Variants in RBP4 observed in about 807,000 individuals in gnomAD.
RBP4 encodes the protein retinol-binding protein 4.
In RBP4, 9 loss-of-function variants were observed where a neutral mutation model predicts 26.2. The ratio of observed to expected loss-of-function variants is 0.34; its 90% confidence interval spans 0.21 to 0.60. The LOEUF (loss-of-function observed/expected upper bound fraction) is 0.60, where lower values mean the gene tolerates loss of function less well. RBP4 is among the 20% of genes least tolerant of loss of function. The pLI is 0.80. For synonymous variants in RBP4, 114 were observed against 111.0 expected, an observed-to-expected ratio of 1.03 and a Z score of -0.17; for missense variants, 244 against 271.3, an observed-to-expected ratio of 0.90 and a Z score of 0.71.
At chr10:93,601,080 G>T in intron 1 of RBP4, 34 bp from the exon 2 acceptor site, 1 of 1,586,628 alleles carries the variant, frequency 6.3e-7, no homozygotes. Context: ...GTGCCCGGCA[G>T]CCGACCCCCG....
Position 93,601,185 on chromosome 10 carries a change from CCG to C in RBP4, c.-35_-34del, listed in dbSNP as rs1206838431. On this transcript the variant is annotated 5_prime_UTR_variant, in exon 1 of 6. Transcript: ENST00000371464. The stretch of plus-strand genomic sequence containing the variant: ...CCGCGACTCACCACCGGGAGGGGAA[CCG>C]CGCGCAAGCCTGGCCGCCGAGTCCG... 2 of 1,389,432 alleles carry C rather than the reference CCG, an allele frequency of 1.4e-6. No homozygotes were observed. Among genetic ancestry groups the C allele is most frequent in the Admixed American group, 6.8e-5 (2 of 29,356 alleles). The allele number at this position is 1,389,432 out of a possible 1,614,324, so 86.1% of individuals were successfully genotyped here.
chr10:93,599,667 A>G (rs2058323579), intron 4 of RBP4, among the ~76,000 whole-genome samples: 1 of 152,158 alleles, frequency 6.6e-6, no homozygotes, highest in Non-Finnish European at 1.5e-5. Flanking sequence ...AGATTCCATG[A>G]TATGTGTCCC....
Position 93,593,885 on chromosome 10 carries a change from A to C in RBP4, c.506T>G (p.Ile169Ser). ...PNGLPPEAQK[I>S]VRQRQEELCL... ...CAGCTCCTCCTGCCGCTGCCTTACAATCTTCTGCGCTTCTGGGGGCAGGCC... is the reference window on the plus strand; with the variant it reads ...CAGCTCCTCCTGCCGCTGCCTTACACTCTTCTGCGCTTCTGGGGGCAGGCC... The change falls in exon 5 of 6, where the codon ATT becomes AGT. Residue 169 changes from isoleucine (I) to serine (S), a missense_variant. By Grantham distance (142) the Ile-to-Ser change is moderately radical (BLOSUM62 -2). Coordinates refer to ENST00000371464, the MANE Select transcript of RBP4 (RefSeq NM_006744.4). 6.2e-7 allele frequency: 1 copy of C among 1,613,608 alleles called. No individual in the cohort carries two copies. The highest frequency in any genetic ancestry group is 8.5e-7 in the Non-Finnish European group (1 of 1,180,010).
At chr10:93,600,345 C>A (rs566762577) in intron 4 of RBP4, 48 bp downstream of exon 4, 7 of 1,530,636 alleles carry the variant, frequency 4.6e-6, no homozygotes, top group Non-Finnish European at 5.4e-6. Context: ...CGATTTGGCC[C>A]GGTAGGCGCC....
intron 4 of RBP4, among the ~76,000 whole-genome samples, chr10:93,598,696 T>C (rs28383574): frequency 0.073 from 11,092 of 152,312 alleles, 558 homozygotes; most frequent in South Asian, 0.21. Context: ...TCCCTTCTCA[T>C]TGGGTCCTCT....
intron 4 of RBP4, among the ~76,000 whole-genome samples, chr10:93,597,810 G>C (rs1180680822): frequency 1.3e-5 from 2 of 152,156 alleles, no homozygotes; most frequent in Non-Finnish European, 2.9e-5. Context: ...TGGAGCAGGG[G>C]AGAGGCTGAG....
chr10:93,600,196 T>C (rs1187339771), intron 4 of RBP4, among the ~76,000 whole-genome samples, 197 bp downstream of exon 4: 1 of 152,192 alleles, frequency 6.6e-6, no homozygotes, highest in Admixed American at 6.5e-5. Context: ...TTTCTTGAGC[T>C]GAGGTTTGGG....
upstream of RBP4, chr10:93,601,416 C>T (rs1022054872): frequency 3.1e-6 from 4 of 1,302,296 alleles, no homozygotes; most frequent in Non-Finnish European, 3.9e-6. Context: ...CCAGGACAGC[C>T]TCGGGCACAG....
In RBP4 at chr10:93,593,874, G is replaced by A. The variant is rs139534453; in HGVS notation, c.517C>T (p.Arg173Trp). 63 of 1,612,882 alleles carry A rather than the reference G, an allele frequency of 3.9e-5. No homozygotes were observed. Among genetic ancestry groups the A allele is most frequent in the Admixed American group, 2.3e-4 (14 of 59,996 alleles). Residue 173 changes from arginine to tryptophan, a missense_variant, in exon 5 of 6, where the codon CGG (arginine) becomes TGG (tryptophan). Coordinates refer to ENST00000371464, the MANE Select transcript of RBP4 (RefSeq NM_006744.4). ...CTGGCCAGGCACAGCTCCTCCTGCCGCTGCCTTACAATCTTCTGCGCTTCT... is the reference window on the plus strand; with the variant it reads ...CTGGCCAGGCACAGCTCCTCCTGCCACTGCCTTACAATCTTCTGCGCTTCT... ...PPEAQKIVRQ[R>W]QEELCLARQY...
rs908696406 is a variant in RBP4 at position 93,596,244 on chromosome 10, A to C, written c.356-2209T>G. ...CCTCCAAAATGGTCGCCATCATTTA[A>C]ATTTTGACAGAGGAATTAAGTAACT... On this transcript the variant is annotated intron_variant, in intron 4 of 5. Transcript: ENST00000371464. Among the ~76,000 whole-genome samples the C allele has an allele frequency of 7.9e-5, 12 of 151,878 alleles. No individual in the cohort carries two copies. The South Asian group carries it at 2.3e-3, about 29-fold the overall frequency.
At chr10:93,601,095 C>G in intron 1 of RBP4, 49 bp from the exon 2 acceptor site, 3 of 1,578,762 alleles carry the variant, frequency 1.9e-6, no homozygotes, top group Non-Finnish European at 2.6e-6. Context: ...CCCCCGCCGC[C>G]GTATCCCACC....
chr10:93,592,066 T>C lies in RBP4; in HGVS notation c.*9A>G, dbSNP rs759574331. On this transcript the variant is annotated 3_prime_UTR_variant, in exon 6 of 6. Transcript: ENST00000371464. The stretch of plus-strand genomic sequence containing the variant: ...GAAGTTCTCAGATGAAACTAGATTC[T>C]TGATATTGCTACAAAAGGTTTCTTT... 6.2e-6 allele frequency: 10 copies of C among 1,611,614 alleles called. No individual in the cohort carries two copies. The highest frequency in any genetic ancestry group is 1.7e-5 in the Admixed American group (1 of 60,006).
chr10:93,600,453 C>G lies in RBP4; in HGVS notation c.295G>C (p.Glu99Gln). 1.2e-6 allele frequency: 2 copies of G among 1,614,122 alleles called. No individual in the cohort carries two copies. Among genetic ancestry groups the G allele is most frequent in the East Asian group, 2.2e-5 (1 of 44,852 alleles). ...ADMVGTFTDT[E>Q]DPAKFKMKYW... ...TTCATCTTGAACTTGGCAGGGTCCT[C>G]GGTGTCTGTGAAGGTGCCCACCATG... Residue 99 changes from glutamate to glutamine, a missense_variant, in exon 4 of 6, where the codon GAG becomes CAG. Coordinates refer to ENST00000371464, the MANE Select transcript of RBP4 (RefSeq NM_006744.4).
chr10:93,594,623 C>T (rs1452735402), intron 4 of RBP4, among the ~76,000 whole-genome samples: 8 of 152,166 alleles, frequency 5.3e-5, no homozygotes, highest in East Asian at 1.9e-4. Flanking sequence ...TTCTTTGTGC[C>T]GGCAAAGAGT....
intron 4 of RBP4, among the ~76,000 whole-genome samples, chr10:93,597,230 C>T (rs2058308509): frequency 6.6e-6 from 1 of 152,226 alleles, no homozygotes; most frequent in South Asian, 2.1e-4. Context: ...TTGACCAACA[C>T]TAATGTAAAC....
intron 5 of RBP4, among the ~76,000 whole-genome samples, 180 bp from the exon 6 acceptor site, chr10:93,592,292 C>T (rs1331731241): frequency 6.6e-6 from 1 of 152,216 alleles, no homozygotes; most frequent in African/African-American, 2.4e-5. Context: ...ACCTTCAAGG[C>T]TGTTTCTGAA....
chr10:93,600,654 G>T lies in RBP4; in HGVS notation c.248+13C>A. On this transcript the variant is annotated intron_variant, in intron 3 of 5. Coordinates refer to ENST00000371464, the MANE Select transcript of RBP4 (RefSeq NM_006744.4). ...GGAGCGCAAAGGGCGCAGCTGCCCCGGCGGCCACTGACTTCAAAAGACGGA... is the reference window on the plus strand; with the variant it reads ...GGAGCGCAAAGGGCGCAGCTGCCCCTGCGGCCACTGACTTCAAAAGACGGA... 1.2e-6 allele frequency: 2 copies of T among 1,611,572 alleles called. No homozygotes were observed. Among genetic ancestry groups the T allele is most frequent in the East Asian group, 2.2e-5 (1 of 44,802 alleles).
At position 93,600,445 on chromosome 10, in the gene RBP4, A is replaced by G. The variant is rs2058329134; in HGVS notation, c.303T>C (p.Pro101=). The G allele has an allele frequency of 6.2e-7, 1 of 1,614,008 alleles. No individual in the cohort carries two copies. Among genetic ancestry groups the G allele is most frequent in the Admixed American group, 1.7e-5 (1 of 60,010 alleles). Residue 101 remains proline, a synonymous_variant, in exon 4 of 6, where the codon CCT becomes CCC. Transcript: ENST00000371464. ...MVGTFTDTED[P]AKFKMKYWGV... is the part of the protein sequence containing the mutation. Reference sequence around the variant, plus strand: ...CCCAGTACTTCATCTTGAACTTGGCAGGGTCCTCGGTGTCTGTGAAGGTGC... The same window carrying G: ...CCCAGTACTTCATCTTGAACTTGGCGGGGTCCTCGGTGTCTGTGAAGGTGC...
Position 93,601,219 on chromosome 10 carries a change from C to G in RBP4, c.-67G>C, listed in dbSNP as rs985259257. The G allele has an allele frequency of 9.2e-6, 12 of 1,298,106 alleles. No homozygotes were observed. Among genetic ancestry groups the G allele is most frequent in the African/African-American group, 3.1e-5 (2 of 63,696 alleles). 80.4% of individuals were successfully genotyped at this position (1,298,106 alleles called of 1,614,324 possible). On this transcript the variant is annotated 5_prime_UTR_variant, in exon 1 of 6. Coordinates refer to ENST00000371464, the MANE Select transcript of RBP4 (RefSeq NM_006744.4). ...AGCCTGGCCGCCGAGTCCGGGCGCG[C>G]GTGGAGCGAGGGAGGCGAGCGCGCC... is the stretch of plus-strand genomic sequence containing the variant.
Sources: allele counts gnomAD v4.1 joint callset (sites outside exome capture counted in the v4.1 genomes callset), GRCh38; gene constraint gnomAD v4.1.1; transcripts MANE v1.5; gene names NCBI Gene and HGNC (gene_info 2026-07-23, HGNC 2026-07-21).